The following ARFGEF2 variants were observed in gnomAD, a reference collection of about 807,000 sequenced individuals.
The protein encoded by ARFGEF2 is ARF guanine nucleotide exchange factor 2.
In ARFGEF2, 74 loss-of-function variants were observed where a neutral mutation model predicts 219.9. The observed-to-expected ratio is 0.34, with a 90% confidence interval of 0.28 to 0.41. The LOEUF (loss-of-function observed/expected upper bound fraction) is 0.41. Ranked by LOEUF, ARFGEF2 falls within the 10% of genes least tolerant of loss-of-function variation. The pLI is 1.00. For missense variants in ARFGEF2, 1,743 were observed against 2,218.3 expected, an observed-to-expected ratio of 0.79 and a Z score of 4.30; for synonymous variants, 733 against 799.2, an observed-to-expected ratio of 0.92 and a Z score of 1.40.
chr20:48,924,353 A>G (rs891839176), intron 1 of ARFGEF2, among the ~76,000 whole-genome samples: 1 of 152,070 alleles, frequency 6.6e-6, no homozygotes, highest in Non-Finnish European at 1.5e-5. Context: ...ACTAAAAATA[A>G]CAAAAAAAAT....
intron 6 of ARFGEF2, among the ~76,000 whole-genome samples, chr20:48,957,608 C>G (rs1016716981): frequency 6.6e-6 from 1 of 152,198 alleles, no homozygotes; most frequent in Non-Finnish European, 1.5e-5. Flanking sequence ...CAAACACTTT[C>G]ACAGCATGCT....
intron 25 of ARFGEF2, among the ~76,000 whole-genome samples, chr20:49,001,827 G>T (rs564606995): frequency 6.6e-6 from 1 of 152,194 alleles, no homozygotes; most frequent in East Asian, 1.9e-4. Flanking sequence ...GTCTTGGTTT[G>T]TTTCGCTTTT....
rs1479582062 is a variant in ARFGEF2, at chr20:49,018,780, G to A, written c.4510-104G>A. ...ATCATTTTATTTTGAGCTAAGCAAGGCACTTAAATACAGGCTGGACCAGCC... is the reference window on the plus strand; with the variant it reads ...ATCATTTTATTTTGAGCTAAGCAAGACACTTAAATACAGGCTGGACCAGCC... On this transcript the variant is annotated intron_variant, in intron 33 of 38. Coordinates refer to ENST00000371917, the MANE Select transcript of ARFGEF2 (RefSeq NM_006420.3). 18 of 835,732 alleles carry A rather than the reference G, an allele frequency of 2.2e-5. 1 individual carries two copies. The Middle Eastern group carries it at 2.4e-3, about 113-fold the overall frequency. The allele number at this position is 835,732 out of a possible 1,614,324, so 51.8% of individuals were successfully genotyped here.
In ARFGEF2 at chr20:48,948,836, C is replaced by T. The variant is rs141252687; in HGVS notation, c.277-2487C>T. Among the ~76,000 whole-genome samples, 295 of 152,312 alleles carry T rather than the reference C, an allele frequency of 1.9e-3. 1 individual carries two copies. The highest frequency in any genetic ancestry group is 6.8e-3 in the African/African-American group (281 of 41,562). On this transcript the variant is annotated intron_variant, in intron 3 of 38. Transcript: ENST00000371917. ...CTGTCCGTCTTCCCGCCGCTCATTG[C>T]GTTAGCAAGGAACAAGGTGGGGACA...
chr20:48,941,128 T>C (rs1367884641), intron 1 of ARFGEF2, 71 bp from the exon 2 acceptor site: 8 of 1,405,164 alleles, frequency 5.7e-6, no homozygotes, highest in South Asian at 3.6e-5. Context: ...TCTCCAAATA[T>C]CTTTTAGTAA....
At chr20:49,002,579 G>C (rs990853514) in intron 25 of ARFGEF2, among the ~76,000 whole-genome samples, 1 of 152,130 alleles carries the variant, frequency 6.6e-6, no homozygotes, top group African/African-American at 2.4e-5. Context: ...GCGTGTATCA[G>C]AATTTCCATC....
intron 26 of ARFGEF2, among the ~76,000 whole-genome samples, chr20:49,008,923 G>A (rs1319119294): frequency 1.3e-5 from 2 of 152,110 alleles, no homozygotes; most frequent in Non-Finnish European, 2.9e-5. Flanking sequence ...GGCCAGGCTG[G>A]TCTTGAACTC....
Position 48,971,182 on chromosome 20 carries a change from C to G in ARFGEF2, c.1253C>G (p.Ala418Gly). 6.2e-7 allele frequency: 1 copy of G among 1,614,170 alleles called. No homozygotes were observed. The highest frequency in any genetic ancestry group is 1.1e-5 in the South Asian group (1 of 91,078). The change falls in exon 10 of 39, where the codon GCT (alanine) becomes GGT (glycine). Residue 418 changes from alanine to glycine, a missense_variant. Ala to Gly is a moderately conservative substitution (Grantham distance 60). Transcript: ENST00000371917. ...CTGCTCCTCTCTGTGTTGCAAAATG[C>G]TGGCCCCGTATTCAGGACTCACGAG... ...LQLLLSVLQN[A>G]GPVFRTHEMF...
intron 1 of ARFGEF2, among the ~76,000 whole-genome samples, chr20:48,933,574 C>T (rs1275075406): frequency 6.6e-6 from 1 of 152,040 alleles, no homozygotes; most frequent in African/African-American, 2.4e-5. Context: ...CTCCTTTTCC[C>T]TTGGCATTGC....
intron 4 of ARFGEF2, 55 bp from the exon 5 acceptor site, chr20:48,952,650 G>C: frequency 6.4e-7 from 1 of 1,560,078 alleles, no homozygotes; most frequent in South Asian, 1.1e-5. Flanking sequence ...GGCCATAGGA[G>C]GGCAGGAAGG....
At chr20:48,931,885 T>G (rs2090915652) in intron 1 of ARFGEF2, among the ~76,000 whole-genome samples, 1 of 152,214 alleles carries the variant, frequency 6.6e-6, no homozygotes, top group African/African-American at 2.4e-5. Flanking sequence ...TGGAGCATTT[T>G]GAGCAAAGGA....
Position 48,970,339 on chromosome 20 carries a change from G to A in ARFGEF2, c.1191-781G>A, listed in dbSNP as rs921485312. ...TAAAAAATAAAAATAGGCCGGGCGCGGTAGCTCACGCCTGTAATCCCAGCA... is the reference window on the plus strand; with the variant it reads ...TAAAAAATAAAAATAGGCCGGGCGCAGTAGCTCACGCCTGTAATCCCAGCA... On this transcript the variant is annotated intron_variant, in intron 9 of 38. Coordinates refer to ENST00000371917, the MANE Select transcript of ARFGEF2 (RefSeq NM_006420.3). Among the ~76,000 whole-genome samples, 4 of 151,614 alleles carry A rather than the reference G, an allele frequency of 2.6e-5. No individual in the cohort carries two copies. The East Asian group carries it at 7.7e-4, about 29-fold the overall frequency.
chr20:49,033,208 G>T lies in ARFGEF2; in HGVS notation c.*9G>T, dbSNP rs2091647536. On this transcript the variant is annotated 3_prime_UTR_variant, in exon 39 of 39. Transcript: ENST00000371917. ...TGTCACCAGTGTGGTAGCCCTGGCT[G>T]CCCAGGCCAGTGCTGCAGCTCTGCA... 6.2e-7 allele frequency: 1 copy of T among 1,613,964 alleles called. No individual in the cohort carries two copies.
chr20:49,032,318 C>T (rs113176997), intron 38 of ARFGEF2, 152 bp downstream of exon 38: 4 of 694,802 alleles, frequency 5.8e-6, no homozygotes, highest in African/African-American at 5.3e-5. Flanking sequence ...GAAGTTAATC[C>T]GTTATGGACA....
intron 9 of ARFGEF2, 85 bp downstream of exon 9, chr20:48,969,362 G>C: frequency 6.2e-7 from 1 of 1,610,382 alleles, no homozygotes; most frequent in Non-Finnish European, 8.5e-7. Context: ...CTTGTTCCAA[G>C]AAGTTTCAGT....
intron 1 of ARFGEF2, among the ~76,000 whole-genome samples, chr20:48,935,141 G>T (rs1028340389): frequency 4.0e-5 from 6 of 151,104 alleles, no homozygotes; most frequent in Admixed American, 2.6e-4. Context: ...TTTCTCGCAG[G>T]GGGGGATTTG....
At position 48,959,885 on chromosome 20, in the gene ARFGEF2, G is replaced by A. The variant is rs527985005; in HGVS notation, c.839-3945G>A. On this transcript the variant is annotated intron_variant, in intron 6 of 38. Coordinates refer to ENST00000371917, the MANE Select transcript of ARFGEF2 (RefSeq NM_006420.3). The stretch of plus-strand genomic sequence containing the variant: ...CAAAGTGCTGGGATTACAGGCATGA[G>A]CCACCATGCCCCACCAGAACGTTTT... 2.6e-5 allele frequency among the ~76,000 whole-genome samples: 4 copies of A among 152,138 alleles called. No homozygotes were observed. The South Asian group carries it at 8.3e-4, about 32-fold the overall frequency.
At chr20:49,027,963 A>G (rs946000738) in intron 36 of ARFGEF2, among the ~76,000 whole-genome samples, 1 of 152,186 alleles carries the variant, frequency 6.6e-6, no homozygotes, top group Non-Finnish European at 1.5e-5. Context: ...CCCTCTCTGT[A>G]CAAACACTAA....
At chr20:48,976,279 A>T in intron 14 of ARFGEF2, 80 bp downstream of exon 14, 1 of 1,545,594 alleles carries the variant, frequency 6.5e-7, no homozygotes, top group East Asian at 2.3e-5. Context: ...ATTCCTAAAA[A>T]GGAAATGCCT....
Sources: gnomAD v4.1 joint callset for allele counts (sites outside exome capture counted in the v4.1 genomes callset) on GRCh38, gnomAD v4.1.1 for gene constraint, MANE v1.5 for transcripts, NCBI Gene and HGNC (gene_info 2026-07-23, HGNC 2026-07-21) for gene names.